KDM4C: variants seen among roughly 807,000 people sequenced by gnomAD.
KDM4C encodes the protein lysine demethylase 4C, also known as lysine-specific demethylase 4C.
A neutral mutation model predicts 129.3 loss-of-function variants in KDM4C; 81 were observed. The ratio of observed to expected loss-of-function variants is 0.63; its 90% CI spans 0.52 to 0.75. KDM4C has a LOEUF of 0.75. Among genes scored for constraint, KDM4C ranks in the 30% least tolerant of loss-of-function variants. The probability of loss-of-function intolerance (pLI) is 0.00; values close to 1 mark genes in which losing one functional copy is unlikely to be tolerated. For synonymous variants in KDM4C, 573 were observed against 456.1 expected (o/e 1.26, Z -3.26); for missense variants, 1,457 against 1,304.0 (o/e 1.12, Z -1.81).
chr9:7,068,088 A>T (rs747216382), intron 17 of KDM4C, among the ~76,000 whole-genome samples: 4 of 152,026 alleles, frequency 2.6e-5, no homozygotes, highest in East Asian at 1.9e-4. Flanking sequence ...GAGCCACCGC[A>T]CCCAGCTGAT....
chr9:7,050,107 T>C (rs999394159), intron 17 of KDM4C, among the ~76,000 whole-genome samples: 15 of 152,012 alleles, frequency 9.9e-5, no homozygotes, highest in African/African-American at 3.6e-4. Context: ...GGGGCTCTCT[T>C]ATAGGAACTC....
chr9:6,784,778 A>G (rs1825121534), intron 1 of KDM4C, among the ~76,000 whole-genome samples: 1 of 152,078 alleles, frequency 6.6e-6, no homozygotes, highest in African/African-American at 2.4e-5. Flanking sequence ...AGGCTCAGGG[A>G]GTTTCTTTGC....
intron 2 of KDM4C, among the ~76,000 whole-genome samples, chr9:6,801,040 T>G (rs897341859): frequency 6.6e-6 from 1 of 152,152 alleles, no homozygotes; most frequent in Non-Finnish European, 1.5e-5. Context: ...TGGTTTTATT[T>G]TTTTTGAGCT....
chr9:6,736,353 T>C (rs1817527792), intron 1 of KDM4C, among the ~76,000 whole-genome samples: 1 of 152,092 alleles, frequency 6.6e-6, no homozygotes, highest in South Asian at 2.1e-4. Flanking sequence ...CTTCAGGGAA[T>C]GTCAGAGGTA....
At chr9:7,035,375 A>G (rs1827464095) in intron 15 of KDM4C, among the ~76,000 whole-genome samples, 1 of 130,626 alleles carries the variant, frequency 7.7e-6, no homozygotes, top group African/African-American at 2.7e-5. Context: ...TTCCTTGTGT[A>G]TTCCAGATAG....
At position 7,052,211 on chromosome 9, in the gene KDM4C, T is replaced by C. The variant is rs145079083; in HGVS notation, c.2424+3011T>C. ...AGCAAAGCAATAAAGTCTGGTAACA[T>C]GTGCATATCAGCTACTATATACTTA... On this transcript the variant is annotated intron_variant, in intron 17 of 21. Transcript: ENST00000381309. Among the ~76,000 whole-genome samples the C allele has an allele frequency of 5.6e-3, 855 of 152,356 alleles. 13 individuals are homozygous for C. The highest frequency in any genetic ancestry group is 0.019 in the African/African-American group (773 of 41,584).
intron 18 of KDM4C, among the ~76,000 whole-genome samples, chr9:7,124,711 C>T: frequency 6.6e-6 from 1 of 152,128 alleles, no homozygotes; most frequent in East Asian, 1.9e-4. Context: ...TACTGTTGTG[C>T]TTTGTCAAAT....
At chr9:6,879,617 CA>C (rs1844130858) in intron 5 of KDM4C, among the ~76,000 whole-genome samples, 3 of 152,102 alleles carry the variant, frequency 2.0e-5, no homozygotes, top group African/African-American at 7.2e-5. Flanking sequence ...AAACAAAAGC[CA>C]AAATCAACCA....
intron 5 of KDM4C, among the ~76,000 whole-genome samples, chr9:6,873,139 G>T (rs1843016722): frequency 1.3e-5 from 2 of 152,124 alleles, no homozygotes; most frequent in Admixed American, 1.3e-4. Flanking sequence ...TGAGATTATA[G>T]GCATGCACCA....
chr9:6,835,432 A>C, intron 4 of KDM4C: 1 of 1,175,660 alleles, frequency 8.5e-7, no homozygotes, highest in Non-Finnish European at 1.3e-6. Context: ...GATGAAGATC[A>C]AGATCATTGC....
chr9:6,966,258 C>T (rs996290260), intron 8 of KDM4C, among the ~76,000 whole-genome samples: 7 of 152,226 alleles, frequency 4.6e-5, no homozygotes, highest in African/African-American at 1.7e-4. Flanking sequence ...TCTCGGCTCA[C>T]TGCAAGCTCC....
At chr9:6,783,293 A>G (rs1824767035) in intron 1 of KDM4C, among the ~76,000 whole-genome samples, 3 of 152,190 alleles carry the variant, frequency 2.0e-5, no homozygotes, top group African/African-American at 4.8e-5. Flanking sequence ...GGCAAGCTAA[A>G]CTGTGGATGG....
intron 8 of KDM4C, among the ~76,000 whole-genome samples, chr9:6,900,785 G>A (rs1372990289): frequency 3.3e-5 from 5 of 152,224 alleles, no homozygotes; most frequent in Middle Eastern, 3.2e-3. Context: ...AGGGGTGAGA[G>A]CAAAGGTTTT....
At chr9:6,932,578 T>G (rs561879689) in intron 8 of KDM4C, among the ~76,000 whole-genome samples, 2 of 152,290 alleles carry the variant, frequency 1.3e-5, no homozygotes, top group South Asian at 4.1e-4. Flanking sequence ...AATTTAGTCC[T>G]TACAGCTGTT....
At chr9:6,834,119 A>T (rs1019025298) in intron 4 of KDM4C, among the ~76,000 whole-genome samples, 1 of 139,370 alleles carries the variant, frequency 7.2e-6, no homozygotes, top group East Asian at 2.2e-4. Context: ...GCTCACTGCA[A>T]CCTCCGTCTT....
intron 4 of KDM4C, among the ~76,000 whole-genome samples, chr9:6,817,777 T>TTTC (rs1832393026): frequency 6.8e-6 from 1 of 146,846 alleles, no homozygotes; most frequent in East Asian, 2.0e-4. Flanking sequence ...TTTTTTTTTT[T>TTTC]TTTTTTTGAG....
chr9:6,987,701 T>C (rs1817970833), intron 11 of KDM4C, among the ~76,000 whole-genome samples: 1 of 152,204 alleles, frequency 6.6e-6, no homozygotes, highest in South Asian at 2.1e-4. Context: ...AATATACTTT[T>C]CTGATTTGAC....
At chr9:7,037,244 CTAAT>C (rs1554711081) in intron 15 of KDM4C, among the ~76,000 whole-genome samples, 1 of 152,148 alleles carries the variant, frequency 6.6e-6, no homozygotes, top group Non-Finnish European at 1.5e-5. Flanking sequence ...GTACTTCAAT[CTAAT>C]TATTTTTCTA....
chr9:7,067,864 T>C (rs1449568604), intron 17 of KDM4C, among the ~76,000 whole-genome samples: 2 of 152,086 alleles, frequency 1.3e-5, no homozygotes, highest in Non-Finnish European at 2.9e-5. Context: ...GGTGCGATCT[T>C]GGCTCACTGC....
Sources: gnomAD v4.1 joint callset for allele counts (sites outside exome capture counted in the v4.1 genomes callset) on GRCh38, gnomAD v4.1.1 for gene constraint, MANE v1.5 for transcripts, NCBI Gene and HGNC (gene_info 2026-07-23, HGNC 2026-07-21) for gene names.